GPC3: variants seen among roughly 807,000 people sequenced by gnomAD.
GPC3 encodes the protein glypican 3.
In GPC3, 3 loss-of-function variants were observed where a neutral mutation model predicts 34.4. The observed-to-expected ratio is 0.09, with a 90% CI of 0.04 to 0.23. GPC3 has a LOEUF of 0.23. Ranked by LOEUF, GPC3 falls within the 10% of genes least tolerant of loss-of-function variation. GPC3 has a pLI of 1.00. For missense variants in GPC3, 351 were observed against 445.6 expected, an observed-to-expected ratio of 0.79 and a Z score of 1.91; for synonymous variants, 177 against 174.0, an observed-to-expected ratio of 1.02 and a Z score of -0.13.
chrX:133,563,404 C>A (rs920495769), intron 7 of GPC3, among the ~76,000 whole-genome samples: 4 of 111,500 alleles, frequency 3.6e-5, no homozygotes, highest in African/African-American at 1.3e-4. Context: ...TTTAGAAAGG[C>A]AGTTCAACTG....
intron 3 of GPC3, among the ~76,000 whole-genome samples, chrX:133,740,898 AC>A (rs2071558719): frequency 9.0e-6 from 1 of 111,334 alleles, no homozygotes; most frequent in Non-Finnish European, 1.9e-5. Context: ...TTTTAAAAAA[AC>A]GTAAATGAAA....
At chrX:133,952,487 G>A (rs1439721948) in intron 2 of GPC3, among the ~76,000 whole-genome samples, 2 of 112,101 alleles carry the variant, frequency 1.8e-5, no homozygotes, top group Non-Finnish European at 3.8e-5. Context: ...AGTTAGCAAG[G>A]AGAAGTGTCA....
At chrX:133,879,429 G>A (rs1179197428) in intron 2 of GPC3, among the ~76,000 whole-genome samples, 1 of 111,288 alleles carries the variant, frequency 9.0e-6, no homozygotes, top group Non-Finnish European at 1.9e-5. Context: ...ATTGAGAGGT[G>A]TGTCTGTCAA....
intron 6 of GPC3, among the ~76,000 whole-genome samples, chrX:133,645,531 C>T (rs752710510): frequency 1.3e-4 from 15 of 111,652 alleles, no homozygotes; most frequent in African/African-American, 2.6e-4. Context: ...CTGGTGCTTT[C>T]GCTTTGAAAA....
chrX:133,754,720 C>G (rs1379322489), intron 2 of GPC3, among the ~76,000 whole-genome samples: 1 of 112,052 alleles, frequency 8.9e-6, no homozygotes, highest in East Asian at 2.8e-4. Context: ...TAGATTTTCT[C>G]CTGATAACTT....
intron 1 of GPC3, among the ~76,000 whole-genome samples, chrX:133,964,302 T>C (rs2076453748): frequency 1.8e-5 from 2 of 112,025 alleles, no homozygotes; most frequent in Admixed American, 1.9e-4. Context: ...AAATTCCCTG[T>C]AGCTGATCTT....
intron 5 of GPC3, among the ~76,000 whole-genome samples, chrX:133,684,203 T>A (rs188776150): frequency 6.3e-5 from 7 of 111,971 alleles, no homozygotes; most frequent in African/African-American, 2.3e-4. Context: ...AAAAATGAAG[T>A]GTCATGTTTC....
At chrX:133,949,526 C>T (rs2124632805) in intron 2 of GPC3, among the ~76,000 whole-genome samples, 1 of 111,526 alleles carries the variant, frequency 9.0e-6, no homozygotes, top group Non-Finnish European at 1.9e-5. Context: ...TTTTTCCTTT[C>T]TGATGAAGAG....
At position 133,858,443 on chromosome X, in the gene GPC3, C is replaced by A. The variant is rs116461710; in HGVS notation, c.337+94607G>T. Among the ~76,000 whole-genome samples the A allele has an allele frequency of 8.6e-3, 962 of 112,036 alleles. 20 individuals carry two copies. The highest frequency in any genetic ancestry group is 0.03 in the African/African-American group (924 of 30,837). On this transcript the variant is annotated intron_variant, in intron 2 of 7. Coordinates refer to ENST00000370818, the MANE Select transcript of GPC3 (RefSeq NM_004484.4). ...TTCAGCTCCCACCTGGATGCCTTCA[C>A]CCTGCCCTGGCATCTACCATATCTA... is the stretch of plus-strand genomic sequence containing the variant.
At chrX:133,642,772 C>CAAAAAAAAAAAAA (rs375514321) in intron 6 of GPC3, among the ~76,000 whole-genome samples, 4 of 25,638 alleles carry the variant, frequency 1.6e-4, no homozygotes, top group East Asian at 1.6e-3. Flanking sequence ...AACTACGTCT[C>CAAAAAAAAAAAAA]AAAAAAAAAA....
At chrX:133,622,969 A>G (rs1369092733) in intron 6 of GPC3, among the ~76,000 whole-genome samples, 6 of 112,357 alleles carry the variant, frequency 5.3e-5, no homozygotes, top group African/African-American at 1.9e-4. Flanking sequence ...TCTCGGCAAA[A>G]ACTCTACAAG....
rs2069918045 is a variant in GPC3, at chrX:133,596,537, C to T, written c.1476G>A (p.Gly492=). ...RVLDKNLDEE[G]FESGDCGDDE... ...CATCACCGCAGTCTCCACTTTCAAA[C>T]CCTTCCTCATCCAGGTTTTTATCCA... is the stretch of plus-strand genomic sequence containing the variant. The change falls in exon 7 of 8, where the codon GGG becomes GGA. Residue 492 remains glycine (G), a synonymous_variant. Coordinates refer to ENST00000370818, the MANE Select transcript of GPC3 (RefSeq NM_004484.4). The T allele has an allele frequency of 8.3e-7, 1 of 1,209,555 alleles. No individual in the cohort carries two copies. Among genetic ancestry groups the T allele is most frequent in the Non-Finnish European group, 1.1e-6 (1 of 893,589 alleles).
intron 4 of GPC3, among the ~76,000 whole-genome samples, chrX:133,699,371 G>A (rs1603228128): frequency 8.9e-6 from 1 of 112,057 alleles, no homozygotes; most frequent in African/African-American, 3.2e-5. Context: ...CTGGATCAGG[G>A]GAGAATGGAT....
chrX:133,865,295 T>C (rs181291351), intron 2 of GPC3, among the ~76,000 whole-genome samples: 2 of 112,665 alleles, frequency 1.8e-5, no homozygotes, highest in Admixed American at 1.9e-4. Context: ...TTTTTTTACA[T>C]ATAAGCAACA....
chrX:133,762,493 T>C (rs775586693), intron 2 of GPC3, among the ~76,000 whole-genome samples: 1 of 111,794 alleles, frequency 8.9e-6, no homozygotes, highest in Non-Finnish European at 1.9e-5. Context: ...ATCCAGAATC[T>C]ATTAGGACCT....
chrX:133,602,137 G>T (rs893893853), intron 6 of GPC3, among the ~76,000 whole-genome samples: 5 of 111,353 alleles, frequency 4.5e-5, no homozygotes, highest in African/African-American at 1.6e-4. Flanking sequence ...GAGCCTGGAG[G>T]ACATTATGTT....
intron 6 of GPC3, among the ~76,000 whole-genome samples, chrX:133,633,850 G>C (rs2070390683): frequency 8.9e-6 from 1 of 111,746 alleles, no homozygotes; most frequent in African/African-American, 3.2e-5. Context: ...GACCATGTCA[G>C]CCCTTTACTT....
chrX:133,680,205 G>T (rs957691293), intron 5 of GPC3, among the ~76,000 whole-genome samples: 1 of 111,408 alleles, frequency 9.0e-6, no homozygotes, highest in Non-Finnish European at 1.9e-5. Context: ...CTCCCTAATA[G>T]TATTTGGAAA....
chrX:133,682,234 G>C (rs2070951665), intron 5 of GPC3, among the ~76,000 whole-genome samples: 1 of 110,818 alleles, frequency 9.0e-6, no homozygotes, highest in East Asian at 2.8e-4. Context: ...AAAATTCCTG[G>C]AACTCCTCTT....
Sources: gnomAD v4.1 joint callset for allele counts (sites outside exome capture counted in the v4.1 genomes callset) on GRCh38, gnomAD v4.1.1 for gene constraint, MANE v1.5 for transcripts, NCBI Gene and HGNC (gene_info 2026-07-23, HGNC 2026-07-21) for gene names.